The following ADGRV1 variants were observed in gnomAD, a reference collection of about 807,000 sequenced individuals.
ADGRV1 encodes the protein G-protein coupled receptor 98.
ADGRV1 carries 359 observed loss-of-function variants against 596.2 expected under a neutral mutation model. The observed-to-expected ratio is 0.60, with a 90% confidence interval of 0.55 to 0.66. The LOEUF (loss-of-function observed/expected upper bound fraction) is 0.66. ADGRV1 is among the 30% of genes least tolerant of loss of function. The pLI, the probability that ADGRV1 is intolerant of heterozygous loss-of-function variation, is 0.00. For missense variants in ADGRV1, 7,274 were observed against 7,575.6 expected, an observed-to-expected ratio of 0.96 and a Z score of 1.48; for synonymous variants, 2,681 against 2,679.2, an observed-to-expected ratio of 1.00 and a Z score of -0.02.
chr5:91,098,450 G>A (rs577596587), intron 86 of ADGRV1, among the ~76,000 whole-genome samples: 4 of 152,130 alleles, frequency 2.6e-5, no homozygotes, highest in South Asian at 4.2e-4. Context: ...ACCTAATTAC[G>A]GTTTTGTAAC....
chr5:90,716,878 C>T (rs1750179270), intron 43 of ADGRV1, 149 bp downstream of exon 43: 2 of 610,782 alleles, frequency 3.3e-6, no homozygotes, highest in Admixed American at 6.0e-5. Flanking sequence ...TACTATGTGA[C>T]AAGTGCTGTA....
chr5:90,936,109 T>G (rs548079325), intron 83 of ADGRV1, among the ~76,000 whole-genome samples: 12 of 152,330 alleles, frequency 7.9e-5, no homozygotes, highest in African/African-American at 2.9e-4. Flanking sequence ...CCCTAGACTT[T>G]ATGAATCATT....
intron 86 of ADGRV1, among the ~76,000 whole-genome samples, chr5:91,096,824 T>G (rs983345726): frequency 2.0e-5 from 3 of 152,200 alleles, no homozygotes; most frequent in Non-Finnish European, 2.9e-5. Context: ...TTTCCAGAAC[T>G]TTTTCATCAC....
chr5:90,575,652 G>C (rs1208403115), intron 1 of ADGRV1, among the ~76,000 whole-genome samples: 7 of 152,132 alleles, frequency 4.6e-5, no homozygotes, highest in African/African-American at 1.4e-4. Context: ...CGATGGCTTT[G>C]GGGACCTGCC....
rs1328183229 is a variant in ADGRV1, at chr5:90,807,829, C to T, written c.14972+92C>T. On this transcript the variant is annotated intron_variant, in intron 73 of 89. Transcript: ENST00000405460. ...CAGAAAAAGGCACAAGGGTTATTCT[C>T]CTTGAAGCAAACACAAACATAGTTT... 7 of 1,128,784 alleles carry T rather than the reference C, an allele frequency of 6.2e-6. No homozygotes were observed. In the African/African-American group the frequency reaches 9.3e-5, roughly 15 times the overall value. The allele number at this position is 1,128,784 out of a possible 1,614,324, so 69.9% of individuals were successfully genotyped here. A position where few individuals can be genotyped will look rare whatever the true frequency, so the allele number is the denominator to read the frequency against.
chr5:90,909,719 A>G (rs896740293), intron 83 of ADGRV1, among the ~76,000 whole-genome samples: 3 of 152,142 alleles, frequency 2.0e-5, no homozygotes, highest in Non-Finnish European at 2.9e-5. Context: ...TCTCTAGGCC[A>G]GTGACCTTCA....
chr5:90,650,725 A>ATG (rs35121265), intron 17 of ADGRV1, among the ~76,000 whole-genome samples: 8,426 of 151,050 alleles, frequency 0.056, 799 homozygotes, highest in African/African-American at 0.19. Context: ...CTGTATGTGT[A>ATG]TGTGTGTGTG....
chr5:90,702,540 A>T (rs1456988795), intron 34 of ADGRV1, among the ~76,000 whole-genome samples: 1 of 151,950 alleles, frequency 6.6e-6, no homozygotes, highest in Non-Finnish European at 1.5e-5. Context: ...TTAATTCATG[A>T]TATTTTAAGA....
At chr5:90,736,872 T>C (rs891101185) in intron 50 of ADGRV1, among the ~76,000 whole-genome samples, 1 of 151,854 alleles carries the variant, frequency 6.6e-6, no homozygotes. Flanking sequence ...TTAGTTGATG[T>C]AGCTAAGGGT....
intron 86 of ADGRV1, among the ~76,000 whole-genome samples, chr5:91,083,145 A>G (rs1175083797): frequency 6.6e-6 from 1 of 152,134 alleles, no homozygotes; most frequent in East Asian, 1.9e-4. Flanking sequence ...GCAAGGACAG[A>G]AAACCAAACA....
At chr5:91,039,518 A>G (rs540179035) in intron 85 of ADGRV1, among the ~76,000 whole-genome samples, 2 of 152,330 alleles carry the variant, frequency 1.3e-5, no homozygotes, top group South Asian at 4.1e-4. Flanking sequence ...GGCCAGGCTA[A>G]CTGGAATCAT....
chr5:90,812,617 C>T (rs575222506), intron 74 of ADGRV1, among the ~76,000 whole-genome samples: 69 of 152,230 alleles, frequency 4.5e-4, no homozygotes, highest in African/African-American at 1.6e-3. Flanking sequence ...TTTATTTTAG[C>T]CACTCAGTTT....
At position 90,788,142 on chromosome 5, in the gene ADGRV1, A is replaced by G. The variant is rs747726047; in HGVS notation, c.13725A>G (p.Pro4575=). The part of the protein sequence containing the change: ...LLPQNRDIAD[P]VSGLFYFGEG... ...CACAGAATAGAGACATTGCAGACCC[A>G]GTGAGCGGGTTGTTCTATTTTGGAG... Residue 4575 remains proline, a synonymous_variant, in exon 68 of 90, where the codon CCA becomes CCG. Transcript: ENST00000405460. The G allele has an allele frequency of 3.7e-6, 6 of 1,613,696 alleles. No individual in the cohort carries two copies. The East Asian group carries it at 6.7e-5, about 18-fold the overall frequency.
At chr5:90,722,587 G>A (rs922763705) in intron 45 of ADGRV1, among the ~76,000 whole-genome samples, 8 of 151,126 alleles carry the variant, frequency 5.3e-5, no homozygotes, top group Admixed American at 3.3e-4. Flanking sequence ...GGTGGCGCAC[G>A]CCTATAATCC....
chr5:90,961,060 C>A (rs1161607422), intron 83 of ADGRV1, among the ~76,000 whole-genome samples: 1 of 152,028 alleles, frequency 6.6e-6, no homozygotes, highest in African/African-American at 2.4e-5. Flanking sequence ...CTAGCTTCAC[C>A]CTTAGGCACC....
chr5:90,943,612 G>A (rs752702026), intron 83 of ADGRV1, among the ~76,000 whole-genome samples: 1 of 152,090 alleles, frequency 6.6e-6, no homozygotes, highest in Non-Finnish European at 1.5e-5. Flanking sequence ...CGTAAACTGG[G>A]TGGTTACATG....
chr5:91,091,272 C>T (rs1331559824), intron 86 of ADGRV1, among the ~76,000 whole-genome samples: 1 of 152,156 alleles, frequency 6.6e-6, no homozygotes, highest in Non-Finnish European at 1.5e-5. Context: ...TTATCAAGCT[C>T]CTGCAGCCCA....
At chr5:91,035,940 C>T (rs1784877493) in intron 85 of ADGRV1, among the ~76,000 whole-genome samples, 1 of 140,766 alleles carries the variant, frequency 7.1e-6, no homozygotes, top group South Asian at 2.3e-4. Flanking sequence ...CTAAGATTTC[C>T]TTACTTACAC....
chr5:91,077,477 A>C (rs926656057), intron 86 of ADGRV1, among the ~76,000 whole-genome samples: 1 of 152,210 alleles, frequency 6.6e-6, no homozygotes, highest in Non-Finnish European at 1.5e-5. Flanking sequence ...AACATCCCTT[A>C]ATTTCAAACA....
Sources: gnomAD v4.1 joint callset for allele counts (sites outside exome capture counted in the v4.1 genomes callset) on GRCh38, gnomAD v4.1.1 for gene constraint, MANE v1.5 for transcripts, NCBI Gene and HGNC (gene_info 2026-07-23, HGNC 2026-07-21) for gene names.